CACNA1C: variants seen among roughly 807,000 people sequenced by gnomAD.
CACNA1C encodes the protein voltage-dependent L-type calcium channel subunit alpha-1C.
Under a neutral mutation model 229.0 loss-of-function variants are expected in CACNA1C, and 30 were observed. The ratio of observed to expected loss-of-function variants is 0.13; its 90% CI spans 0.10 to 0.18. CACNA1C has a LOEUF of 0.18. Among genes scored for constraint, CACNA1C ranks in the 10% least tolerant of loss-of-function variants. The probability of loss-of-function intolerance (pLI) is 1.00; values close to 1 mark genes in which losing one functional copy is unlikely to be tolerated. For synonymous variants in CACNA1C, 1,114 were observed against 1,132.5 expected, an observed-to-expected ratio of 0.98 and a Z score of 0.33; for missense variants, 1,658 against 2,845.0, an observed-to-expected ratio of 0.58 and a Z score of 9.49.
intron 1 of CACNA1C, among the ~76,000 whole-genome samples, chr12:2,024,235 G>T (rs986384522): frequency 1.3e-5 from 2 of 152,202 alleles, no homozygotes; most frequent in Admixed American, 1.3e-4. Context: ...TGCATAAGGG[G>T]CTTCTCTCCT....
intron 29 of CACNA1C, among the ~76,000 whole-genome samples, chr12:2,618,991 A>G (rs1408919844): frequency 6.6e-6 from 1 of 152,204 alleles, no homozygotes; most frequent in African/African-American, 2.4e-5. Context: ...GCACTTCTGT[A>G]TGATGCAGTA....
chr12:2,544,253 C>T (rs1250794243), intron 9 of CACNA1C, among the ~76,000 whole-genome samples: 1 of 152,158 alleles, frequency 6.6e-6, no homozygotes, highest in Non-Finnish European at 1.5e-5. Context: ...TAGGCATGGC[C>T]CTTTTCTATC....
chr12:2,087,591 A>G (rs2068205435), intron 1 of CACNA1C, among the ~76,000 whole-genome samples: 1 of 152,232 alleles, frequency 6.6e-6, no homozygotes, highest in Admixed American at 6.5e-5. Context: ...AGAAAGTGTC[A>G]CATTTTAGTG....
intron 3 of CACNA1C, among the ~76,000 whole-genome samples, chr12:2,379,618 A>T (rs944997393): frequency 1.3e-4 from 20 of 152,092 alleles, no homozygotes; most frequent in South Asian, 2.1e-4. Flanking sequence ...TGAGGAAGGG[A>T]TGCAAGCCCT....
chr12:2,659,926 T>C, intron 34 of CACNA1C: 1 of 179,890 alleles, frequency 5.6e-6, no homozygotes, highest in Non-Finnish European at 1.2e-5. Flanking sequence ...GAGGTGATCA[T>C]CTACTTCAAG....
intron 34 of CACNA1C, among the ~76,000 whole-genome samples, chr12:2,662,463 T>C (rs879318536): frequency 2.0e-5 from 3 of 152,196 alleles, no homozygotes; most frequent in African/African-American, 4.8e-5. Flanking sequence ...TAAAATATAA[T>C]GTTGAAACTA....
intron 3 of CACNA1C, among the ~76,000 whole-genome samples, chr12:2,168,586 G>A (rs781389502): frequency 2.6e-5 from 4 of 152,176 alleles, no homozygotes; most frequent in African/African-American, 4.8e-5. Flanking sequence ...AATGCACCAC[G>A]GGTGGGTAAC....
At position 2,677,839 on chromosome 12, in the gene CACNA1C, C is replaced by T; in HGVS notation, c.5063C>T (p.Ser1688Phe). Residue 1688 changes from serine (S) to phenylalanine (F), a missense_variant, in exon 41 of 47, where the codon TCC becomes TTC. Ser to Phe is a radical substitution (Grantham distance 155). Transcript: ENST00000399655. The surrounding 1 kb of genome is among the most constrained non-coding windows in gnomAD (Gnocchi z 7.4). ...ELDKAMKEAV[S>F]AASEDDIFRR... ...GACAAGGCCATGAAGGAGGCTGTGT[C>T]CGCTGCTTCTGAAGATGACATCTTC... 1 of 1,614,046 alleles carries T rather than the reference C, an allele frequency of 6.2e-7. No individual in the cohort carries two copies. The highest frequency in any genetic ancestry group is 8.5e-7 in the Non-Finnish European group (1 of 1,179,894).
At chr12:2,011,312 T>C (rs1252917800) in intron 1 of CACNA1C, 1 of 152,110 alleles carries the variant, frequency 6.6e-6, no homozygotes, top group Non-Finnish European at 1.5e-5. Flanking sequence ...TTGAGGAAGA[T>C]GATATTGGAT....
chr12:2,069,901 T>A (rs2060602023), intron 1 of CACNA1C, among the ~76,000 whole-genome samples: 1 of 152,152 alleles, frequency 6.6e-6, no homozygotes. Context: ...CACGGCAGCC[T>A]CAAATTCCTG....
chr12:2,186,176 G>A (rs1212244002), intron 3 of CACNA1C, among the ~76,000 whole-genome samples: 1 of 152,196 alleles, frequency 6.6e-6, no homozygotes, highest in East Asian at 1.9e-4. Context: ...ATTAGCGTGG[G>A]ATGGTTGCAA....
chr12:2,393,537 A>G (rs918658699), intron 3 of CACNA1C, among the ~76,000 whole-genome samples: 3 of 152,200 alleles, frequency 2.0e-5, no homozygotes, highest in South Asian at 2.1e-4. Context: ...CTTGCTAGCT[A>G]TATAGCTGAG....
chr12:2,277,829 G>A (rs1457386420), intron 3 of CACNA1C, among the ~76,000 whole-genome samples: 1 of 152,226 alleles, frequency 6.6e-6, no homozygotes, highest in East Asian at 1.9e-4. Context: ...TTTATTGCAT[G>A]TTAATACTTC....
intron 3 of CACNA1C, among the ~76,000 whole-genome samples, chr12:2,270,962 C>A (rs926483495): frequency 6.6e-6 from 1 of 152,126 alleles, no homozygotes; most frequent in Non-Finnish European, 1.5e-5. Flanking sequence ...TAGACACTCC[C>A]TTTGCCGAGG....
rs1165797659 is a variant in CACNA1C at position 2,566,530 on chromosome 12, C to T, written c.1617C>T (p.Leu539=). Residue 539 remains leucine, a synonymous_variant, in exon 12 of 47, where the codon CTC becomes CTT. Transcript: ENST00000399655. This position sits in a 1 kb window ranked among gnomAD's most constrained non-coding sequence, Gnocchi z 4.0. The part of the protein sequence containing the change: ...LVIFLVFLNT[L]TIASEHYNQP... ...TTTTCCTGGTGTTCCTCAACACGCT[C>T]ACCATTGCCTCTGAGCACTACAACC... 6.3e-7 allele frequency: 1 copy of T among 1,596,958 alleles called. No individual in the cohort carries two copies. The highest frequency in any genetic ancestry group is 1.1e-5 in the South Asian group (1 of 87,598).
chr12:2,475,227 A>G (rs1445926916), intron 5 of CACNA1C, among the ~76,000 whole-genome samples: 2 of 151,970 alleles, frequency 1.3e-5, no homozygotes, highest in African/African-American at 2.4e-5. Flanking sequence ...TGAACCCGGT[A>G]GGTGGAGCTT....
chr12:2,463,240 G>T (rs2099527055), intron 5 of CACNA1C, among the ~76,000 whole-genome samples: 1 of 152,130 alleles, frequency 6.6e-6, no homozygotes. Flanking sequence ...GCACATATAT[G>T]TACTAAATGT....
chr12:2,595,890 C>T lies in CACNA1C; in HGVS notation c.2680C>T (p.His894Tyr), dbSNP rs1241089575. Residue 894 changes from histidine to tyrosine, a missense_variant, in exon 20 of 47, where the codon CAC becomes TAC. Transcript: ENST00000399655. This position sits in a 1 kb window ranked among gnomAD's most constrained non-coding sequence, Gnocchi z 4.1. ...CCCGTACAGGTTTCGCCTCCAGTGCCACCGCATTGTCAATGACACGATCTT... is the reference window on the plus strand; with the variant it reads ...CCCGTACAGGTTTCGCCTCCAGTGCTACCGCATTGTCAATGACACGATCTT... ...SSNNRFRLQC[H>Y]RIVNDTIFTN... The T allele has an allele frequency of 6.2e-7, 1 of 1,613,452 alleles. No individual in the cohort carries two copies. The highest frequency in any genetic ancestry group is 2.2e-5 in the East Asian group (1 of 44,860).
chr12:2,431,028 C>T (rs538015299), intron 3 of CACNA1C, among the ~76,000 whole-genome samples: 1 of 152,304 alleles, frequency 6.6e-6, no homozygotes, highest in African/African-American at 2.4e-5. Flanking sequence ...GAGGGAGCTC[C>T]CTTCATTGAC....
Sources: allele counts gnomAD v4.1 joint callset (sites outside exome capture counted in the v4.1 genomes callset), GRCh38; gene constraint gnomAD v4.1.1; non-coding constraint Gnocchi (gnomAD v3.1); transcripts MANE v1.5; gene names NCBI Gene and HGNC (gene_info 2026-07-23, HGNC 2026-07-21).